ERC2: variants seen among roughly 807,000 people sequenced by gnomAD.
ERC2 encodes ELKS/RAB6-interacting/CAST family member 2.
Under a neutral mutation model 114.8 loss-of-function variants are expected in ERC2, and 42 were observed. That is an observed-to-expected ratio of 0.37 (90% CI 0.29 to 0.47). ERC2 has a LOEUF of 0.47. ERC2 is among the 20% of genes least tolerant of loss of function. ERC2 has a pLI of 0.99. For missense variants in ERC2, 939 were observed against 1,150.7 expected (o/e 0.82, Z 2.66); for synonymous variants, 454 against 425.5 (o/e 1.07, Z -0.82).
intron 17 of ERC2, among the ~76,000 whole-genome samples, chr3:55,645,862 C>T (rs201580154): frequency 2.0e-5 from 3 of 152,250 alleles, no homozygotes; most frequent in East Asian, 1.9e-4. Context: ...AATCCCTCTA[C>T]GGTTAGTACA....
intron 2 of ERC2, among the ~76,000 whole-genome samples, chr3:56,391,653 G>T (rs1049629600): frequency 1.3e-5 from 2 of 152,118 alleles, no homozygotes; most frequent in African/African-American, 4.8e-5. Flanking sequence ...CTTAGGAAGG[G>T]ATCAGAGAAA....
intron 10 of ERC2, among the ~76,000 whole-genome samples, chr3:55,993,888 T>C (rs73086924): frequency 0.15 from 23,087 of 152,110 alleles, 1,930 homozygotes; most frequent in East Asian, 0.38. Context: ...AGTATATTTA[T>C]CTAATAATTT....
intron 14 of ERC2, among the ~76,000 whole-genome samples, chr3:55,825,416 C>T (rs1300379190): frequency 1.3e-5 from 2 of 152,182 alleles, no homozygotes; most frequent in Admixed American, 1.3e-4. Context: ...ATGATCTGAA[C>T]CTCCAAGGGT....
At chr3:56,153,484 A>G (rs1431792372) in intron 4 of ERC2, among the ~76,000 whole-genome samples, 1 of 152,202 alleles carries the variant, frequency 6.6e-6, no homozygotes, top group Non-Finnish European at 1.5e-5. Flanking sequence ...TGACCAATGC[A>G]GAAGACACTA....
At chr3:55,733,542 T>TCTCTCTCTCTCACA (rs377515133) in intron 15 of ERC2, among the ~76,000 whole-genome samples, 1 of 107,806 alleles carries the variant, frequency 9.3e-6, no homozygotes, top group African/African-American at 3.7e-5. Context: ...TCTCTCTCTC[T>TCTCTCTCTCTCACA]CACACACACA....
intron 2 of ERC2, among the ~76,000 whole-genome samples, chr3:56,406,043 C>T (rs1425481134): frequency 1.3e-5 from 2 of 151,896 alleles, no homozygotes; most frequent in African/African-American, 2.4e-5. Flanking sequence ...CAAGCGCGTG[C>T]CACCATGCTC....
chr3:55,536,612 G>A (rs1278945197), intron 17 of ERC2, among the ~76,000 whole-genome samples: 1 of 152,244 alleles, frequency 6.6e-6, no homozygotes, highest in African/African-American at 2.4e-5. Flanking sequence ...TTGAGAAATT[G>A]TGAAACATAA....
At chr3:56,377,243 C>A (rs1235361784) in intron 2 of ERC2, among the ~76,000 whole-genome samples, 1 of 152,072 alleles carries the variant, frequency 6.6e-6, no homozygotes, top group East Asian at 1.9e-4. Flanking sequence ...CAGAAAGGAA[C>A]ACATGAAAAC....
At chr3:56,151,943 G>A (rs960111715) in intron 4 of ERC2, among the ~76,000 whole-genome samples, 1 of 152,190 alleles carries the variant, frequency 6.6e-6, no homozygotes, top group Non-Finnish European at 1.5e-5. Context: ...TTCTTCATCT[G>A]AACATTTTTA....
intron 3 of ERC2, among the ~76,000 whole-genome samples, chr3:56,283,457 C>T (rs1487210581): frequency 6.6e-6 from 1 of 151,994 alleles, no homozygotes; most frequent in Non-Finnish European, 1.5e-5. Flanking sequence ...ATAGTAAGAC[C>T]CCATCTAAAA....
chr3:56,222,515 T>C (rs1901554), intron 3 of ERC2, among the ~76,000 whole-genome samples: 121,880 of 152,052 alleles, frequency 0.8, 50,798 homozygotes, highest in South Asian at 0.95. Flanking sequence ...TGAGGCCTTG[T>C]CTGACTGTTT....
At position 56,450,184 on chromosome 3, in the gene ERC2, A is replaced by T. The variant is rs980478073; in HGVS notation, c.-140-15037T>A. On this transcript the variant is annotated intron_variant, in intron 1 of 17. Coordinates refer to ENST00000288221, the MANE Select transcript of ERC2 (RefSeq NM_015576.3). Reference sequence around the variant, plus strand: ...CTCCAAAAAGCTCTATGAAACTCAAACACGCCTATCCACACATCAGTACTC... The same window carrying T: ...CTCCAAAAAGCTCTATGAAACTCAATCACGCCTATCCACACATCAGTACTC... Among the ~76,000 whole-genome samples, 25 of 152,220 alleles carry T rather than the reference A, an allele frequency of 1.6e-4. 1 individual carries two copies. Among genetic ancestry groups the T allele is most frequent in the Admixed American group, 1.6e-3 (25 of 15,286 alleles).
At chr3:56,354,009 T>G (rs1331090365) in intron 2 of ERC2, among the ~76,000 whole-genome samples, 1 of 152,120 alleles carries the variant, frequency 6.6e-6, no homozygotes, top group African/African-American at 2.4e-5. Flanking sequence ...CAAAGTCAGA[T>G]AGCTAATAAG....
At chr3:56,150,815 T>C (rs868695098) in intron 4 of ERC2, among the ~76,000 whole-genome samples, 3 of 152,080 alleles carry the variant, frequency 2.0e-5, no homozygotes, top group Admixed American at 6.6e-5. Context: ...CCCAGAAATA[T>C]ATATGTTGAA....
At chr3:56,459,527 C>CCACA (rs58270143) in intron 1 of ERC2, among the ~76,000 whole-genome samples, 7 of 150,612 alleles carry the variant, frequency 4.6e-5, no homozygotes, top group Non-Finnish European at 7.4e-5. Context: ...TGCTATCAGA[C>CCACA]CACACACACA....
chr3:56,269,646 A>G lies in ERC2; in HGVS notation c.1074+26373T>C, dbSNP rs114381863. Among the ~76,000 whole-genome samples, 989 of 152,316 alleles carry G rather than the reference A, an allele frequency of 6.5e-3. 12 individuals carry two copies. The highest frequency in any genetic ancestry group is 0.022 in the African/African-American group (899 of 41,572). On this transcript the variant is annotated intron_variant, in intron 3 of 17. Transcript: ENST00000288221. ...TTCATCTGAGACCACTTAGGAAGGA[A>G]GCAAATAACCCTATATTCCCAAATA...
chr3:55,978,536 T>G (rs929800605), intron 12 of ERC2, among the ~76,000 whole-genome samples: 1 of 152,194 alleles, frequency 6.6e-6, no homozygotes, highest in African/African-American at 2.4e-5. Context: ...AACTCCCTAC[T>G]CTCACCTGTT....
At chr3:56,045,117 C>A (rs2075391503) in intron 7 of ERC2, among the ~76,000 whole-genome samples, 1 of 152,000 alleles carries the variant, frequency 6.6e-6, no homozygotes, top group Non-Finnish European at 1.5e-5. Flanking sequence ...TATAAAATAA[C>A]CTAAGAGTAT....
intron 3 of ERC2, among the ~76,000 whole-genome samples, chr3:56,198,805 G>C (rs1365898051): frequency 6.6e-6 from 1 of 152,004 alleles, no homozygotes; most frequent in African/African-American, 2.4e-5. Context: ...AATGAATGAT[G>C]GTTAAAGTAA....
Sources: allele counts gnomAD v4.1 joint callset (sites outside exome capture counted in the v4.1 genomes callset), GRCh38; gene constraint gnomAD v4.1.1; transcripts MANE v1.5; gene names NCBI Gene and HGNC (gene_info 2026-07-23, HGNC 2026-07-21).